The following ACKR2 variants were observed in gnomAD, a reference collection of about 807,000 sequenced individuals.
ACKR2 encodes C-C chemokine receptor D6.
For synonymous variants in ACKR2, 207 were observed against 192.2 expected (o/e 1.08, Z -0.64); for missense variants, 457 against 477.3 (o/e 0.96, Z 0.40).
At chr3:42,815,241 T>C (rs550827663) in intron 1 of ACKR2, among the ~76,000 whole-genome samples, 47 of 152,326 alleles carry the variant, frequency 3.1e-4, no homozygotes, top group African/African-American at 1.0e-3. Flanking sequence ...TTTAAAACTA[T>C]TCAGTAATAA....
chr3:42,810,704 A>T (rs939918724), intron 1 of ACKR2, among the ~76,000 whole-genome samples: 6 of 152,240 alleles, frequency 3.9e-5, no homozygotes, highest in Non-Finnish European at 8.8e-5. Flanking sequence ...TGCGTCAAAA[A>T]TAAAGGCCCT....
chr3:42,839,943 G>A (rs1033201146), intron 2 of ACKR2, among the ~76,000 whole-genome samples: 1 of 152,120 alleles, frequency 6.6e-6, no homozygotes, highest in Non-Finnish European at 1.5e-5. Flanking sequence ...TTGGGTGTGG[G>A]TGCAGATCCT....
chr3:42,834,944 G>GT (rs1700972007), intron 2 of ACKR2, among the ~76,000 whole-genome samples: 1 of 151,958 alleles, frequency 6.6e-6, no homozygotes, highest in Admixed American at 6.6e-5. Context: ...GAGTGCCAGT[G>GT]GCCCGATCTC....
intron 2 of ACKR2, among the ~76,000 whole-genome samples, chr3:42,844,366 A>T (rs1318430119): frequency 2.0e-5 from 3 of 152,080 alleles, no homozygotes; most frequent in African/African-American, 7.2e-5. Flanking sequence ...TGCAGTGCAC[A>T]CACCTTGGAG....
intron 2 of ACKR2, among the ~76,000 whole-genome samples, chr3:42,833,870 A>T (rs1029773284): frequency 1.7e-4 from 26 of 152,176 alleles, no homozygotes; most frequent in African/African-American, 6.0e-4. Flanking sequence ...AGCAAGTCTT[A>T]CAAGAGCCAT....
chr3:42,820,725 T>TAAAAA (rs34544490), intron 2 of ACKR2, among the ~76,000 whole-genome samples: 5 of 100,506 alleles, frequency 5.0e-5, no homozygotes, highest in African/African-American at 1.5e-4. Context: ...AAAATAACAG[T>TAAAAA]AAAAAAAAAA....
chr3:42,834,297 A>G (rs1309802370), intron 2 of ACKR2, among the ~76,000 whole-genome samples: 3 of 152,176 alleles, frequency 2.0e-5, no homozygotes, highest in Non-Finnish European at 2.9e-5. Context: ...TCTGTGATCA[A>G]TGATCTTTGA....
chr3:42,859,339 T>C (rs959215681), intron 2 of ACKR2, among the ~76,000 whole-genome samples: 1 of 151,580 alleles, frequency 6.6e-6, no homozygotes, highest in African/African-American at 2.4e-5. Flanking sequence ...CTGCAGAAAC[T>C]CTACAAGCCA....
chr3:42,812,680 CTTTT>C (rs71616070), intron 1 of ACKR2, among the ~76,000 whole-genome samples: 3 of 72,758 alleles, frequency 4.1e-5, no homozygotes, highest in South Asian at 6.3e-4. Flanking sequence ...AATTTTCAGC[CTTTT>C]TTTTTTTTTT....
intron 2 of ACKR2, chr3:42,844,159 T>G (rs1459566293): frequency 6.6e-6 from 1 of 152,226 alleles, no homozygotes; most frequent in Non-Finnish European, 1.5e-5. Flanking sequence ...AAATTGCCAT[T>G]TTTATAGGTC....
chr3:42,848,751 T>C (rs1425056819), intron 2 of ACKR2, among the ~76,000 whole-genome samples: 2 of 152,186 alleles, frequency 1.3e-5, no homozygotes, highest in Non-Finnish European at 2.9e-5. Flanking sequence ...AATTTCACAG[T>C]GGAAGAACTT....
chr3:42,864,431 A>C, intron 2 of ACKR2, 35 bp from the exon 3 acceptor site: 2 of 1,516,380 alleles, frequency 1.3e-6, no homozygotes, highest in Middle Eastern at 2.5e-4. Context: ...AGAAAGGTAG[A>C]GAATGCTAGG....
chr3:42,848,936 A>T (rs1701124791), intron 2 of ACKR2, among the ~76,000 whole-genome samples: 1 of 152,158 alleles, frequency 6.6e-6, no homozygotes, highest in Non-Finnish European at 1.5e-5. Flanking sequence ...AAATTTAGGG[A>T]CATTCTACAA....
intron 2 of ACKR2, among the ~76,000 whole-genome samples, chr3:42,860,399 A>G (rs1469020059): frequency 6.6e-6 from 1 of 152,060 alleles, no homozygotes; most frequent in Non-Finnish European, 1.5e-5. Flanking sequence ...CCACACAATA[A>G]TGGGAGACTT....
At chr3:42,841,978 G>C (rs1400118182) in intron 2 of ACKR2, among the ~76,000 whole-genome samples, 1 of 152,184 alleles carries the variant, frequency 6.6e-6, no homozygotes, top group Non-Finnish European at 1.5e-5. Context: ...TTTTGGGCAA[G>C]TCTTCCTGAT....
intron 2 of ACKR2, among the ~76,000 whole-genome samples, chr3:42,830,312 C>T (rs1031775237): frequency 6.6e-6 from 1 of 152,140 alleles, no homozygotes; most frequent in African/African-American, 2.4e-5. Context: ...ATGGGGGTTT[C>T]ACCCTCTTGG....
At chr3:42,825,251 G>A (rs935080228) in intron 2 of ACKR2, among the ~76,000 whole-genome samples, 13 of 152,128 alleles carry the variant, frequency 8.5e-5, no homozygotes, top group African/African-American at 3.1e-4. Context: ...AAATGCAGTT[G>A]CAACTTTGAT....
intron 2 of ACKR2, among the ~76,000 whole-genome samples, chr3:42,842,695 A>T (rs62247900): frequency 0.051 from 7,792 of 152,224 alleles, 233 homozygotes; most frequent in South Asian, 0.12. Context: ...CAGGTTATGA[A>T]ATCAGTTAAT....
At chr3:42,858,629 C>T (rs964943711) in intron 2 of ACKR2, among the ~76,000 whole-genome samples, 2 of 126,924 alleles carry the variant, frequency 1.6e-5, no homozygotes, top group Admixed American at 2.0e-4. Context: ...TCCAAATGAT[C>T]ACAACTCCTT....
Sources: allele counts gnomAD v4.1 joint callset (sites outside exome capture counted in the v4.1 genomes callset), GRCh38; gene constraint gnomAD v4.1.1; transcripts MANE v1.5; gene names NCBI Gene and HGNC (gene_info 2026-07-23, HGNC 2026-07-21).